The following FSHR variants were observed in gnomAD, a reference collection of about 807,000 sequenced individuals.
The protein encoded by FSHR is follicle stimulating hormone receptor, also known as follicle-stimulating hormone receptor.
Under a neutral mutation model 52.1 loss-of-function variants are expected in FSHR, and 46 were observed. That is an observed-to-expected ratio of 0.88 (90% CI 0.70 to 1.13). The LOEUF is 1.13. Among genes scored for constraint, FSHR ranks in the 50% most tolerant of loss-of-function variants. The probability of loss-of-function intolerance (pLI) is 0.00; values close to 1 mark genes in which losing one functional copy is unlikely to be tolerated. For synonymous variants in FSHR, 399 were observed against 309.6 expected, an observed-to-expected ratio of 1.29 and a Z score of -3.03; for missense variants, 964 against 834.6, an observed-to-expected ratio of 1.16 and a Z score of -1.91.
chr2:49,087,788 T>G (rs1444834796), intron 1 of FSHR, among the ~76,000 whole-genome samples: 1 of 152,168 alleles, frequency 6.6e-6, no homozygotes, highest in Non-Finnish European at 1.5e-5. Context: ...TTCAAATTAT[T>G]TATTGAACAT....
At chr2:49,069,378 A>T (rs1018817097) in intron 1 of FSHR, among the ~76,000 whole-genome samples, 1 of 152,120 alleles carries the variant, frequency 6.6e-6, no homozygotes, top group Non-Finnish European at 1.5e-5. Context: ...CTCAAATGTT[A>T]CCATTTCAGT....
chr2:49,078,848 C>T (rs750389466), intron 1 of FSHR, among the ~76,000 whole-genome samples: 1 of 152,028 alleles, frequency 6.6e-6, no homozygotes. Flanking sequence ...TGATATTGTG[C>T]TGGATACCCT....
At chr2:49,001,782 A>T (rs557065862) in intron 4 of FSHR, among the ~76,000 whole-genome samples, 1 of 152,184 alleles carries the variant, frequency 6.6e-6, no homozygotes, top group South Asian at 2.1e-4. Context: ...CCACATTCTA[A>T]ATCTCTCTAG....
chr2:49,110,547 T>C (rs1034196143), intron 1 of FSHR, among the ~76,000 whole-genome samples: 17 of 152,180 alleles, frequency 1.1e-4, no homozygotes, highest in African/African-American at 3.9e-4. Flanking sequence ...TAGTTGTTAG[T>C]TGACTACATA....
At chr2:49,064,726 C>T (rs938557250) in intron 2 of FSHR, among the ~76,000 whole-genome samples, 9 of 152,056 alleles carry the variant, frequency 5.9e-5, no homozygotes, top group African/African-American at 2.2e-4. Context: ...TTCAGTACGA[C>T]GTTTCTACAT....
chr2:49,122,352 T>C (rs965237047), intron 1 of FSHR, among the ~76,000 whole-genome samples: 6 of 152,214 alleles, frequency 3.9e-5, no homozygotes, highest in Admixed American at 6.5e-5. Flanking sequence ...TCTAGCCTTC[T>C]CTATGAATGG....
chr2:48,966,755 C>A (rs1368459597), intron 9 of FSHR, among the ~76,000 whole-genome samples: 1 of 151,922 alleles, frequency 6.6e-6, no homozygotes, highest in Admixed American at 6.6e-5. Flanking sequence ...AATCAAATAC[C>A]CATTGCTAAA....
chr2:49,051,982 C>G (rs2104303813), intron 2 of FSHR, among the ~76,000 whole-genome samples: 1 of 152,156 alleles, frequency 6.6e-6, no homozygotes, highest in Middle Eastern at 3.4e-3. Context: ...AAAACAAACA[C>G]TTTTGGGATA....
intron 1 of FSHR, among the ~76,000 whole-genome samples, chr2:49,107,860 C>G (rs1348475267): frequency 1.3e-5 from 2 of 152,142 alleles, no homozygotes; most frequent in Admixed American, 6.5e-5. Flanking sequence ...AGATCTCTTT[C>G]TCCTCCCAAC....
chr2:49,096,864 A>T (rs546179858), intron 1 of FSHR, among the ~76,000 whole-genome samples: 2 of 152,140 alleles, frequency 1.3e-5, no homozygotes, highest in African/African-American at 4.8e-5. Context: ...TGACTGTCTA[A>T]AGGTGGGTGG....
chr2:48,970,760 C>G (rs1423639785), intron 8 of FSHR, among the ~76,000 whole-genome samples: 1 of 152,192 alleles, frequency 6.6e-6, no homozygotes, highest in Non-Finnish European at 1.5e-5. Context: ...AAGTTACCAT[C>G]TTTCTTGTAA....
chr2:48,997,457 T>C (rs994777514), intron 4 of FSHR: 38 of 898,116 alleles, frequency 4.2e-5, no homozygotes, highest in Non-Finnish European at 4.8e-5. Flanking sequence ...GCATCCTAGA[T>C]TTGCAATCAG....
rs551721689 is a variant in FSHR, at chr2:49,008,134, G to T, written c.374+9355C>A. ...GCTGGTGCACTGCACCCACTAACTC[G>T]TCATCTAGCATTAGGTATATCTCCC... On this transcript the variant is annotated intron_variant, in intron 4 of 9. Transcript: ENST00000406846. 2.1e-5 allele frequency among the ~76,000 whole-genome samples: 3 copies of T among 142,598 alleles called. No individual in the cohort carries two copies. In the South Asian group the frequency reaches 7.0e-4, roughly 33 times the overall value. 93.5% of individuals were successfully genotyped at this position (142,598 alleles called of 152,430 possible).
At chr2:48,964,020 T>C in intron 9 of FSHR, 54 bp from the exon 10 acceptor site, 1 of 1,532,250 alleles carries the variant, frequency 6.5e-7, no homozygotes, top group African/African-American at 1.4e-5. Flanking sequence ...GTATAGCAAA[T>C]ACATCACTGT....
At chr2:48,995,774 C>G (rs1324459297) in intron 4 of FSHR, among the ~76,000 whole-genome samples, 2 of 152,158 alleles carry the variant, frequency 1.3e-5, no homozygotes, top group East Asian at 3.9e-4. Context: ...GAATACTTAA[C>G]CTACTGGAGT....
At position 49,009,413 on chromosome 2, in the gene FSHR, C is replaced by T. The variant is rs11903022; in HGVS notation, c.374+8076G>A. On this transcript the variant is annotated intron_variant, in intron 4 of 9. Transcript: ENST00000406846. ...CTCTGTTTTGGTACGAGTACCATGC[C>T]GTTTTGGTTACTGTAGCCTTGTAGT... Among the ~76,000 whole-genome samples, 163 of 151,784 alleles carry T rather than the reference C, an allele frequency of 1.1e-3. 1 individual carries two copies. The highest frequency in any genetic ancestry group is 3.8e-3 in the African/African-American group (156 of 41,326).
chr2:49,005,685 C>A (rs918512217), intron 4 of FSHR, among the ~76,000 whole-genome samples: 2 of 152,128 alleles, frequency 1.3e-5, no homozygotes, highest in Non-Finnish European at 2.9e-5. Flanking sequence ...AGAGATGAAA[C>A]ATATTCCAGT....
intron 6 of FSHR, among the ~76,000 whole-genome samples, chr2:48,986,357 A>G (rs890180704): frequency 4.7e-5 from 7 of 149,508 alleles, no homozygotes; most frequent in African/African-American, 1.2e-4. Flanking sequence ...TGCTATCCAT[A>G]GAATACTTCA....
chr2:49,061,518 A>G (rs1332194595), intron 2 of FSHR, among the ~76,000 whole-genome samples: 1 of 146,994 alleles, frequency 6.8e-6, no homozygotes, highest in Non-Finnish European at 1.5e-5. Flanking sequence ...GATTCTAAAT[A>G]TATATATATT....
Sources: gnomAD v4.1 joint callset for allele counts (sites outside exome capture counted in the v4.1 genomes callset) on GRCh38, gnomAD v4.1.1 for gene constraint, MANE v1.5 for transcripts, NCBI Gene and HGNC (gene_info 2026-07-23, HGNC 2026-07-21) for gene names.